Variants in XKR9 observed in about 807,000 individuals in gnomAD.
The protein encoded by XKR9 is XK-related protein 9.
A neutral mutation model predicts 32.0 loss-of-function variants in XKR9; 32 were observed. The observed-to-expected ratio is 1.00, with a 90% CI of 0.76 to 1.34. The LOEUF is 1.34. XKR9 is among the 40% of genes most tolerant of loss of function. The probability of loss-of-function intolerance (pLI) is 0.00; values close to 1 mark genes in which losing one functional copy is unlikely to be tolerated. For missense variants in XKR9, 546 were observed against 429.7 expected (o/e 1.27, Z -2.39); for synonymous variants, 168 against 143.4 (o/e 1.17, Z -1.22).
the XKR9 span, among the ~76,000 whole-genome samples, chr8:70,826,195 G>C: frequency 6.6e-6 from 1 of 152,046 alleles, no homozygotes; most frequent in Non-Finnish European, 1.5e-5. Flanking sequence ...CTGAATTTTA[G>C]CCTGGGCTTC....
At chr8:70,791,587 TC>T (rs1807764634), downstream of XKR9, among the ~76,000 whole-genome samples, 1 of 151,996 alleles carries the variant, frequency 6.6e-6, no homozygotes, top group African/African-American at 2.4e-5. Flanking sequence ...TCTTGTTCTT[TC>T]CATCCCTCTT....
the XKR9 span, among the ~76,000 whole-genome samples, chr8:70,849,735 G>C: frequency 6.6e-6 from 1 of 152,084 alleles, no homozygotes; most frequent in African/African-American, 2.4e-5. Context: ...GACTAATAAA[G>C]AAGAAAAGAG....
chr8:70,741,912 A>T lies in XKR9; in HGVS notation n.352+34759A>T, dbSNP rs144922412. Among the ~76,000 whole-genome samples the T allele has an allele frequency of 5.3e-3, 801 of 150,914 alleles. 10 individuals carry two copies. Among genetic ancestry groups the T allele is most frequent in the African/African-American group, 0.018 (755 of 41,176 alleles). On this transcript the variant is annotated intron_variant and non_coding_transcript_variant, in intron 2 of 3. Coordinates refer to the XKR9 transcript ENST00000520273. ...TGCACTATTTTACAATCCCACCAAC[A>T]TTGCATAAATGCCCCAGTTTCTCTA...
At chr8:70,940,402 C>G in the XKR9 span, among the ~76,000 whole-genome samples, 1 of 152,040 alleles carries the variant, frequency 6.6e-6, no homozygotes, top group Non-Finnish European at 1.5e-5. Context: ...AAGTCAGACA[C>G]ATTGGTTTGA....
At chr8:70,738,697 A>C (rs1406807057), downstream of XKR9, among the ~76,000 whole-genome samples, 1 of 152,062 alleles carries the variant, frequency 6.6e-6, no homozygotes, top group Non-Finnish European at 1.5e-5. Flanking sequence ...TTCAAAGAAC[A>C]TCTTTATTTC....
At chr8:70,915,042 G>C in the XKR9 span, among the ~76,000 whole-genome samples, 1 of 151,918 alleles carries the variant, frequency 6.6e-6, no homozygotes, top group South Asian at 2.1e-4. Context: ...TGGGGAATGT[G>C]ATTAATTAGG....
intron 4 of XKR9, among the ~76,000 whole-genome samples, chr8:70,722,768 T>C (rs1004289862): frequency 1.3e-5 from 2 of 152,158 alleles, no homozygotes; most frequent in African/African-American, 4.8e-5. Context: ...CTGATGGTTA[T>C]GTGTCTTGTG....
chr8:71,009,308 G>A, the XKR9 span, among the ~76,000 whole-genome samples: 2 of 152,208 alleles, frequency 1.3e-5, no homozygotes, highest in Non-Finnish European at 2.9e-5. Context: ...TATAAGATTT[G>A]TGTATGTGTG....
chr8:71,063,537 A>T, the XKR9 span, among the ~76,000 whole-genome samples: 4 of 152,082 alleles, frequency 2.6e-5, no homozygotes, highest in Non-Finnish European at 5.9e-5. Context: ...TTGGGGAAAA[A>T]AATTCAGAGC....
At chr8:70,706,604 A>C (rs1350553540) in intron 3 of XKR9, among the ~76,000 whole-genome samples, 1 of 151,988 alleles carries the variant, frequency 6.6e-6, no homozygotes, top group Non-Finnish European at 1.5e-5. Context: ...TCAGCACATC[A>C]CTCTATCTTT....
the XKR9 span, among the ~76,000 whole-genome samples, chr8:70,852,462 C>T: frequency 6.6e-6 from 1 of 151,890 alleles, no homozygotes; most frequent in African/African-American, 2.4e-5. Flanking sequence ...TATAGGATTA[C>T]AAATCATTCT....
chr8:70,863,750 G>A, the XKR9 span, among the ~76,000 whole-genome samples: 11 of 152,304 alleles, frequency 7.2e-5, 1 homozygote, highest in Middle Eastern at 0.02. Context: ...AGCAGTGGAG[G>A]TAGAGAGAAA....
chr8:70,919,757 C>G, the XKR9 span, among the ~76,000 whole-genome samples: 1 of 152,204 alleles, frequency 6.6e-6, no homozygotes, highest in African/African-American at 2.4e-5. Context: ...CAGGAACTGT[C>G]TGTATGCAGT....
At chr8:70,975,095 T>C in the XKR9 span, among the ~76,000 whole-genome samples, 1 of 152,206 alleles carries the variant, frequency 6.6e-6, no homozygotes, top group Non-Finnish European at 1.5e-5. Context: ...TGATTGATTT[T>C]TTTTCTTGTA....
chr8:70,886,651 C>CT, the XKR9 span, among the ~76,000 whole-genome samples: 193 of 150,258 alleles, frequency 1.3e-3, 1 homozygote, highest in African/African-American at 4.6e-3. Context: ...TGATGATAAG[C>CT]TTTTTTTTTC....
At chr8:70,695,683 G>A (rs1459392236) in intron 3 of XKR9, among the ~76,000 whole-genome samples, 1 of 151,818 alleles carries the variant, frequency 6.6e-6, no homozygotes, top group African/African-American at 2.4e-5. Context: ...AATCCTTTGG[G>A]TATATACTCA....
downstream of XKR9, among the ~76,000 whole-genome samples, chr8:70,740,639 T>A (rs1315692828): frequency 6.6e-6 from 1 of 151,942 alleles, no homozygotes; most frequent in Non-Finnish European, 1.5e-5. Flanking sequence ...TACAGATGGG[T>A]TTTTGGTGTG....
chr8:71,003,199 T>C, the XKR9 span, among the ~76,000 whole-genome samples: 1 of 152,342 alleles, frequency 6.6e-6, no homozygotes, highest in Admixed American at 6.5e-5. Context: ...TAACCCTTGG[T>C]GTTTTCATCC....
the XKR9 span, among the ~76,000 whole-genome samples, chr8:70,819,436 T>G: frequency 3.3e-5 from 5 of 152,236 alleles, no homozygotes; most frequent in Non-Finnish European, 4.4e-5. Context: ...GATGAGACTG[T>G]GTTTCCACCA....
Sources: gnomAD v4.1 joint callset for allele counts (sites outside exome capture counted in the v4.1 genomes callset) on GRCh38, gnomAD v4.1.1 for gene constraint, MANE v1.5 for transcripts, NCBI Gene and HGNC (gene_info 2026-07-23, HGNC 2026-07-21) for gene names.